The following BCL2 variants were observed in gnomAD, a reference collection of about 807,000 sequenced individuals.
BCL2 encodes the protein apoptosis regulator Bcl-2.
In BCL2, 1 loss-of-function variant was observed where a neutral mutation model predicts 14.2. The observed-to-expected ratio is 0.07, with a 90% CI of 0.02 to 0.33. The LOEUF is 0.33. BCL2 is among the 10% of genes least tolerant of loss of function. The probability of loss-of-function intolerance (pLI) is 0.99; values close to 1 mark genes in which losing one functional copy is unlikely to be tolerated. For missense variants in BCL2, 247 were observed against 305.9 expected, an observed-to-expected ratio of 0.81 and a Z score of 1.44; for synonymous variants, 151 against 137.2, an observed-to-expected ratio of 1.10 and a Z score of -0.70.
rs34355655 is a variant in BCL2 at position 63,269,114 on chromosome 18, G to A, written c.585+48968C>T. ...TAGGTGCATACACACCACCATGATC[G>A]GTAATTTTTTAAAAAATTCTATAGA... is the stretch of plus-strand genomic sequence containing the variant. On this transcript the variant is annotated intron_variant, in intron 2 of 2. Coordinates refer to ENST00000333681, the MANE Select transcript of BCL2 (RefSeq NM_000633.3). Among the ~76,000 whole-genome samples the A allele has an allele frequency of 9.5e-3, 1,440 of 151,612 alleles. 12 individuals are homozygous for A. Among genetic ancestry groups the A allele is most frequent in the Middle Eastern group, 0.02 (6 of 294 alleles).
chr18:63,212,659 G>A (rs7238198), intron 2 of BCL2, among the ~76,000 whole-genome samples: 5 of 151,880 alleles, frequency 3.3e-5, no homozygotes, highest in African/African-American at 9.7e-5. Context: ...GGCGGATCAC[G>A]AGGTCAGGAG....
At chr18:63,198,545 GACAC>G (rs1361011644) in intron 2 of BCL2, among the ~76,000 whole-genome samples, 2 of 108,266 alleles carry the variant, frequency 1.8e-5, no homozygotes, top group Admixed American at 9.7e-5. Context: ...TTGACACACA[GACAC>G]ACATAGACAC....
At chr18:63,160,357 G>A (rs917763153) in intron 2 of BCL2, among the ~76,000 whole-genome samples, 3 of 152,324 alleles carry the variant, frequency 2.0e-5, no homozygotes, top group Non-Finnish European at 4.4e-5. Context: ...CGCCCTGTCG[G>A]CACTCAGATA....
At position 63,254,187 on chromosome 18, in the gene BCL2, T is replaced by C. The variant is rs187959591; in HGVS notation, c.585+63895A>G. 1.2e-3 allele frequency among the ~76,000 whole-genome samples: 183 copies of C among 152,068 alleles called. 1 individual carries two copies. Among genetic ancestry groups the C allele is most frequent in the Non-Finnish European group, 4.7e-4 (32 of 67,986 alleles). ...GTAAAGAGATGCCTGGTGGCTTTTC[T>C]GCTTTGTAACAATGGCCGTGTAAAC... On this transcript the variant is annotated intron_variant, in intron 2 of 2. Coordinates refer to ENST00000333681, the MANE Select transcript of BCL2 (RefSeq NM_000633.3).
At chr18:63,242,579 A>G (rs1393732453) in intron 2 of BCL2, among the ~76,000 whole-genome samples, 2 of 152,090 alleles carry the variant, frequency 1.3e-5, no homozygotes, top group Admixed American at 1.3e-4. Flanking sequence ...TCTTCTGTTT[A>G]TTGAATTTCC....
At chr18:63,233,608 G>A (rs1394482070) in intron 2 of BCL2, among the ~76,000 whole-genome samples, 10 of 152,142 alleles carry the variant, frequency 6.6e-5, no homozygotes, top group East Asian at 3.9e-4. Flanking sequence ...ATCTAATGCC[G>A]TGGCTGATCT....
At chr18:63,241,616 T>G (rs757506960) in intron 2 of BCL2, among the ~76,000 whole-genome samples, 1 of 152,220 alleles carries the variant, frequency 6.6e-6, no homozygotes, top group Non-Finnish European at 1.5e-5. Context: ...TCTCTAATTT[T>G]ACTGCTAAAA....
intron 2 of BCL2, among the ~76,000 whole-genome samples, chr18:63,218,651 A>C (rs1599252083): frequency 1.5e-5 from 2 of 135,312 alleles, no homozygotes; most frequent in Admixed American, 7.5e-5. Flanking sequence ...CCCATCCTCC[A>C]CTCATCCCCA....
chr18:63,180,104 G>A (rs1040684727), intron 2 of BCL2, among the ~76,000 whole-genome samples: 1 of 152,054 alleles, frequency 6.6e-6, no homozygotes, highest in Non-Finnish European at 1.5e-5. Context: ...CTTACCTTTC[G>A]GCATCATTCC....
At chr18:63,299,757 A>T (rs1912904544) in intron 2 of BCL2, among the ~76,000 whole-genome samples, 1 of 150,054 alleles carries the variant, frequency 6.7e-6, no homozygotes. Flanking sequence ...TTATTTGCAT[A>T]TGGTACCCTT....
chr18:63,158,292 T>G (rs987182403), intron 2 of BCL2, among the ~76,000 whole-genome samples: 2 of 152,202 alleles, frequency 1.3e-5, no homozygotes, highest in Non-Finnish European at 2.9e-5. Flanking sequence ...ATGAGTAATA[T>G]TCATGCACCT....
intron 2 of BCL2, among the ~76,000 whole-genome samples, chr18:63,287,940 A>G (rs1236761202): frequency 6.6e-6 from 1 of 152,168 alleles, no homozygotes; most frequent in South Asian, 2.1e-4. Flanking sequence ...AACCAAGTTG[A>G]AAATGATTTA....
chr18:63,256,045 T>C (rs1288359796), intron 2 of BCL2, among the ~76,000 whole-genome samples: 1 of 152,168 alleles, frequency 6.6e-6, no homozygotes, highest in Non-Finnish European at 1.5e-5. Flanking sequence ...GATGGTTAAT[T>C]AATCAAATAT....
Position 63,124,328 on chromosome 18 carries a change from T to G in BCL2, c.*4297A>C. Reference sequence around the variant, plus strand: ...ATCCTGTTAGTTAAAACTGCACATTTATTGTTTAAATACCCATTAGACATA... The same window carrying G: ...ATCCTGTTAGTTAAAACTGCACATTGATTGTTTAAATACCCATTAGACATA... On this transcript the variant is annotated 3_prime_UTR_variant, in exon 3 of 3. Transcript: ENST00000333681. 1 of 229,994 alleles carries G rather than the reference T, an allele frequency of 4.3e-6. No homozygotes were observed. Among genetic ancestry groups the G allele is most frequent in the African/African-American group, 2.2e-5 (1 of 45,272 alleles). 14.2% of individuals were successfully genotyped at this position (229,994 alleles called of 1,614,324 possible). A position where few individuals can be genotyped will look rare whatever the true frequency, so the allele number is the denominator to read the frequency against.
At chr18:63,267,250 A>G (rs1421380356) in intron 2 of BCL2, among the ~76,000 whole-genome samples, 1 of 152,192 alleles carries the variant, frequency 6.6e-6, no homozygotes, top group African/African-American at 2.4e-5. Context: ...GTTTTCCTAG[A>G]AAAATTTCTC....
chr18:63,132,700 T>G (rs2144588843), intron 2 of BCL2, among the ~76,000 whole-genome samples: 1 of 152,300 alleles, frequency 6.6e-6, no homozygotes, highest in South Asian at 2.1e-4. Flanking sequence ...CCTGAAAGCT[T>G]CTTTCGTAGA....
At chr18:63,225,785 C>T (rs766032484) in intron 2 of BCL2, among the ~76,000 whole-genome samples, 1 of 152,252 alleles carries the variant, frequency 6.6e-6, no homozygotes, top group East Asian at 1.9e-4. Context: ...CTGGAAGGAG[C>T]GAATTCCATA....
At chr18:63,305,106 G>A (rs1913083860) in intron 2 of BCL2, among the ~76,000 whole-genome samples, 1 of 152,310 alleles carries the variant, frequency 6.6e-6, no homozygotes, top group South Asian at 2.1e-4. Flanking sequence ...CTGATGGTAG[G>A]CACCAAATGG....
intron 2 of BCL2, among the ~76,000 whole-genome samples, chr18:63,136,590 A>T (rs185448822): frequency 3.9e-4 from 60 of 152,388 alleles, no homozygotes; most frequent in African/African-American, 1.4e-3. Flanking sequence ...AGAGAAAAAA[A>T]GGAAAAGACT....
Sources: gnomAD v4.1 joint callset for allele counts (sites outside exome capture counted in the v4.1 genomes callset) on GRCh38, gnomAD v4.1.1 for gene constraint, MANE v1.5 for transcripts, NCBI Gene and HGNC (gene_info 2026-07-23, HGNC 2026-07-21) for gene names.